Variants in BLTP1 observed in about 807,000 individuals in gnomAD.
BLTP1 encodes the protein bridge-like lipid transfer protein family member 1.
chr4:122,236,836 C>A, the BLTP1 span: 1 of 985,264 alleles, frequency 1.0e-6, no homozygotes, highest in Non-Finnish European at 1.2e-6. Flanking sequence ...TTGTAATTGC[C>A]GAATTGCCAT....
chr4:122,318,373 T>A, the BLTP1 span: 13 of 869,992 alleles, frequency 1.5e-5, no homozygotes, highest in African/African-American at 2.1e-4. Context: ...TTACATGTAA[T>A]CACCCATTAA....
the BLTP1 span, chr4:122,162,557 G>C: frequency 2.0e-6 from 2 of 985,334 alleles, no homozygotes; most frequent in Middle Eastern, 5.2e-4. Context: ...GCTGAGATGG[G>C]GTGGAGTTGG....
chr4:122,211,089 T>G, the BLTP1 span: 1 of 1,609,462 alleles, frequency 6.2e-7, no homozygotes, highest in Non-Finnish European at 8.5e-7. Context: ...CCTTTTTGTG[T>G]ATAAAGGTAT....
the BLTP1 span, chr4:122,232,098 G>C: frequency 2.0e-6 from 2 of 985,420 alleles, no homozygotes; most frequent in Non-Finnish European, 2.4e-6. Flanking sequence ...GACTCGAGTT[G>C]CTCCAAGTAG....
At chr4:122,353,086 T>TG in the BLTP1 span, 9 of 1,613,984 alleles carry the variant, frequency 5.6e-6, no homozygotes, top group Non-Finnish European at 7.6e-6. This position sits in a 1 kb window ranked among gnomAD's most constrained non-coding sequence, Gnocchi z 4.3. Flanking sequence ...TTCAAAATCT[T>TG]GGGCCCTTTT....
At chr4:122,269,616 TGTC>T in the BLTP1 span, 2 of 985,162 alleles carry the variant, frequency 2.0e-6, no homozygotes, top group African/African-American at 3.5e-5. Context: ...ATTTCAGTAT[TGTC>T]TGGGTTTTTT....
chr4:122,261,961 T>C, the BLTP1 span: 1 of 985,440 alleles, frequency 1.0e-6, no homozygotes, highest in Non-Finnish European at 1.2e-6. Flanking sequence ...TTCACAGCAC[T>C]GGTATCCATT....
At chr4:122,350,774 G>A in the BLTP1 span, among the ~76,000 whole-genome samples, 1 of 152,080 alleles carries the variant, frequency 6.6e-6, no homozygotes, top group African/African-American at 2.4e-5. Context: ...TCCAGGCATC[G>A]GGGGATACTG....
the BLTP1 span, chr4:122,347,692 A>G: frequency 2.5e-6 from 4 of 1,613,808 alleles, no homozygotes; most frequent in Non-Finnish European, 3.4e-6. Flanking sequence ...AAACAGCACC[A>G]TGTCACCAGG....
At chr4:122,153,106 A>G in the BLTP1 span, 1 of 880,610 alleles carries the variant, frequency 1.1e-6, no homozygotes, top group Non-Finnish European at 1.4e-6. Flanking sequence ...CCTATTGGTC[A>G]AAGGAAGGTG....
chr4:122,345,971 A>T, the BLTP1 span: 57 of 971,120 alleles, frequency 5.9e-5, no homozygotes, highest in Non-Finnish European at 6.9e-5. Flanking sequence ...TTAGAAAATA[A>T]AGAAGGAAAT....
At chr4:122,170,493 A>G in the BLTP1 span, 2 of 1,309,586 alleles carry the variant, frequency 1.5e-6, no homozygotes, top group African/African-American at 1.6e-5. Flanking sequence ...CTCATCATTG[A>G]AGGAAACAGA....
At chr4:122,227,552 TG>T in the BLTP1 span, 1 of 821,714 alleles carries the variant, frequency 1.2e-6, no homozygotes, top group Non-Finnish European at 1.5e-6. Context: ...TACAACACAG[TG>T]GTTAACAACT....
At chr4:122,198,237 G>C in the BLTP1 span, 1 of 981,102 alleles carries the variant, frequency 1.0e-6, no homozygotes, top group African/African-American at 1.7e-5. Context: ...CTATTTTAGT[G>C]AATAACTAAC....
the BLTP1 span, among the ~76,000 whole-genome samples, chr4:122,267,205 C>T: frequency 6.6e-6 from 1 of 151,534 alleles, no homozygotes; most frequent in Non-Finnish European, 1.5e-5. Flanking sequence ...ACCACAAGCG[C>T]CTGCCACCAT....
At chr4:122,224,697 A>G in the BLTP1 span, 5 of 1,613,924 alleles carry the variant, frequency 3.1e-6, no homozygotes, top group Non-Finnish European at 2.5e-6. Context: ...TCAGAGTACT[A>G]TCTCCTGACT....
chr4:122,245,095 C>G, the BLTP1 span: 18 of 1,611,060 alleles, frequency 1.1e-5, no homozygotes, highest in South Asian at 1.8e-4. Flanking sequence ...ATGCTAAAGT[C>G]CTCAGGGAAG....
the BLTP1 span, among the ~76,000 whole-genome samples, chr4:122,267,343 GC>G: frequency 6.6e-6 from 1 of 152,114 alleles, no homozygotes; most frequent in Non-Finnish European, 1.5e-5. Flanking sequence ...ACAGGCGTGA[GC>G]CATCGTGCCC....
At chr4:122,343,662 T>A in the BLTP1 span, 1 of 1,577,230 alleles carries the variant, frequency 6.3e-7, no homozygotes, top group Non-Finnish European at 8.7e-7. Context: ...CTTTTCAAGC[T>A]TTCAAGCTTT....
Sources: allele counts gnomAD v4.1 joint callset (sites outside exome capture counted in the v4.1 genomes callset), GRCh38; gene constraint gnomAD v4.1.1; non-coding constraint Gnocchi (gnomAD v3.1); transcripts MANE v1.5; gene names NCBI Gene and HGNC (gene_info 2026-07-23, HGNC 2026-07-21).